Variants in LARP4B observed in about 807,000 individuals in gnomAD.
LARP4B encodes La ribonucleoprotein 4B, also known as la-related protein 4B.
In LARP4B, 12 loss-of-function variants were observed where a neutral mutation model predicts 89.8. The ratio of observed to expected loss-of-function variants is 0.13; its 90% CI spans 0.09 to 0.22. LARP4B has a LOEUF of 0.22. Ranked by LOEUF, LARP4B falls within the 10% of genes least tolerant of loss-of-function variation. The pLI is 1.00. For synonymous variants in LARP4B, 367 were observed against 363.3 expected, an observed-to-expected ratio of 1.01 and a Z score of -0.12; for missense variants, 757 against 947.7, an observed-to-expected ratio of 0.80 and a Z score of 2.64.
chr10:935,382 T>C (rs1411375536), upstream of LARP4B, among the ~76,000 whole-genome samples: 1 of 152,224 alleles, frequency 6.6e-6, no homozygotes, highest in African/African-American at 2.4e-5. Flanking sequence ...ATGTGCTTCC[T>C]GTACTTGGAT....
chr10:946,195 G>GT, the LARP4B span, among the ~76,000 whole-genome samples: 36 of 152,276 alleles, frequency 2.4e-4, no homozygotes, highest in Non-Finnish European at 4.7e-4. Flanking sequence ...CACATTTATC[G>GT]TTTTTTGGTT....
At chr10:841,029 T>A (rs1314824501) in intron 7 of LARP4B, among the ~76,000 whole-genome samples, 1 of 152,172 alleles carries the variant, frequency 6.6e-6, no homozygotes, top group Non-Finnish European at 1.5e-5. Flanking sequence ...GGTGCACGCT[T>A]GTAATGCCCA....
At chr10:935,066 C>T (rs1484425890), upstream of LARP4B, among the ~76,000 whole-genome samples, 1 of 152,214 alleles carries the variant, frequency 6.6e-6, no homozygotes, top group East Asian at 1.9e-4. Flanking sequence ...GTCTTCAGCC[C>T]AGCCCCCTGT....
rs564100808 is a variant in LARP4B, at chr10:924,082, T to A, written c.-40+7346A>T. 2.4e-3 allele frequency among the ~76,000 whole-genome samples: 356 copies of A among 147,802 alleles called. 1 individual carries two copies. Among genetic ancestry groups the A allele is most frequent in the Non-Finnish European group, 3.9e-3 (265 of 67,366 alleles). ...GACCCGCCACCTCTACAAAAAAAAA[T>A]TTTTTTTTTAATTAGCCAGGTGTGG... is the stretch of plus-strand genomic sequence containing the variant. On this transcript the variant is annotated intron_variant, in intron 1 of 17. Coordinates refer to ENST00000316157, the MANE Select transcript of LARP4B (RefSeq NM_015155.3).
At chr10:829,639 C>G (rs1564389175) in intron 10 of LARP4B, 42 bp downstream of exon 10, 1 of 1,609,800 alleles carries the variant, frequency 6.2e-7, no homozygotes, top group East Asian at 2.2e-5. Flanking sequence ...TTAAGAACAT[C>G]AATTTGCAAA....
At chr10:819,217 GA>G (rs1832216057) in intron 14 of LARP4B, 2 of 152,216 alleles carry the variant, frequency 1.3e-5, no homozygotes, top group Admixed American at 1.3e-4. Context: ...CAGCTTTTCA[GA>G]AGATAAGCAT....
At chr10:977,424 A>G in the LARP4B span, among the ~76,000 whole-genome samples, 1 of 151,972 alleles carries the variant, frequency 6.6e-6, no homozygotes, top group Non-Finnish European at 1.5e-5. Context: ...CTGTATTCCC[A>G]GCTATTCGGG....
chr10:893,306 T>C (rs1395332956), intron 1 of LARP4B, among the ~76,000 whole-genome samples: 1 of 152,186 alleles, frequency 6.6e-6, no homozygotes, highest in Non-Finnish European at 1.5e-5. Flanking sequence ...ATTTTACATA[T>C]TGTATATATA....
chr10:873,681 A>G (rs1476168520), intron 3 of LARP4B, among the ~76,000 whole-genome samples: 1 of 152,230 alleles, frequency 6.6e-6, no homozygotes, highest in Non-Finnish European at 1.5e-5. Flanking sequence ...ATTTAAAAAG[A>G]GACGAAAAAA....
At chr10:923,073 C>CA (rs796560967) in intron 1 of LARP4B, among the ~76,000 whole-genome samples, 3,776 of 139,254 alleles carry the variant, frequency 0.027, 149 homozygotes, top group African/African-American at 0.09. Flanking sequence ...GACTCCACCT[C>CA]AAAAAAAAAA....
chr10:975,022 G>A, the LARP4B span, among the ~76,000 whole-genome samples: 3 of 152,252 alleles, frequency 2.0e-5, no homozygotes, highest in Admixed American at 1.3e-4. Context: ...GGCCTCTGCA[G>A]GCCCTGCCTG....
chr10:972,326 CCT>C, the LARP4B span: 5 of 377,532 alleles, frequency 1.3e-5, no homozygotes. Context: ...CCGCACCCAG[CCT>C]CTCTCTGTCT....
At chr10:938,236 T>G in the LARP4B span, among the ~76,000 whole-genome samples, 2 of 148,658 alleles carry the variant, frequency 1.3e-5, no homozygotes, top group Non-Finnish European at 3.0e-5. Flanking sequence ...CTAAATTTCT[T>G]GAATTGGTTC....
the LARP4B span, among the ~76,000 whole-genome samples, chr10:979,635 G>A: frequency 1.3e-5 from 2 of 152,184 alleles, no homozygotes; most frequent in African/African-American, 4.8e-5. Flanking sequence ...TGGGTCCTTT[G>A]TCATCCTTTG....
chr10:932,100 A>G (rs937515111), upstream of LARP4B, among the ~76,000 whole-genome samples: 9 of 151,314 alleles, frequency 5.9e-5, no homozygotes, highest in Non-Finnish European at 1.2e-4. Flanking sequence ...GCGCCCCTTA[A>G]AGACCCCTGC....
intron 1 of LARP4B, among the ~76,000 whole-genome samples, chr10:921,017 T>A (rs1254420056): frequency 6.6e-6 from 1 of 152,160 alleles, no homozygotes; most frequent in African/African-American, 2.4e-5. Flanking sequence ...CTCACACCTG[T>A]AATCCCAGCA....
intron 9 of LARP4B, among the ~76,000 whole-genome samples, 198 bp downstream of exon 9, chr10:830,669 T>C (rs1369244601): frequency 6.6e-6 from 1 of 152,260 alleles, no homozygotes; most frequent in Non-Finnish European, 1.5e-5. Flanking sequence ...TAAAATCACA[T>C]GCTTTTTATA....
Position 829,366 on chromosome 10 carries a change from T to C in LARP4B, c.1125+19A>G, listed in dbSNP as rs1158880416. The C allele has an allele frequency of 1.9e-6, 3 of 1,561,336 alleles. No individual in the cohort carries two copies. The highest frequency in any genetic ancestry group is 1.9e-5 in the Admixed American group (1 of 51,406). On this transcript the variant is annotated intron_variant, in intron 11 of 17. Transcript: ENST00000316157. The stretch of plus-strand genomic sequence containing the variant: ...GCATAGTGTCTACAACATAAATTCC[T>C]AGTAAAGAAATGACGTACCAAGGGT...
intron 5 of LARP4B, among the ~76,000 whole-genome samples, chr10:858,605 C>G (rs1029973661): frequency 1.3e-5 from 2 of 152,154 alleles, no homozygotes; most frequent in African/African-American, 2.4e-5. Flanking sequence ...AATAAAAAGG[C>G]AACCCATATA....
Sources: gnomAD v4.1 joint callset for allele counts (sites outside exome capture counted in the v4.1 genomes callset) on GRCh38, gnomAD v4.1.1 for gene constraint, MANE v1.5 for transcripts, NCBI Gene and HGNC (gene_info 2026-07-23, HGNC 2026-07-21) for gene names.